The following TMEM182 variants were observed in gnomAD, a reference collection of about 807,000 sequenced individuals.
TMEM182 encodes transmembrane protein 182.
In TMEM182, 20 loss-of-function variants were observed where a neutral mutation model predicts 26.8. That is an observed-to-expected ratio of 0.75 (90% CI 0.53 to 1.09). The LOEUF is 1.09. Ranked by LOEUF, TMEM182 falls within the 50% of genes least tolerant of loss-of-function variation. The probability of loss-of-function intolerance (pLI) is 0.00; values close to 1 mark genes in which losing one functional copy is unlikely to be tolerated. For missense variants in TMEM182, 277 were observed against 275.5 expected (o/e 1.01, Z -0.04); for synonymous variants, 109 against 102.2 (o/e 1.07, Z -0.40).
intron 3 of TMEM182, among the ~76,000 whole-genome samples, chr2:102,828,827 A>T (rs1683094295): frequency 6.6e-6 from 1 of 152,204 alleles, no homozygotes; most frequent in Non-Finnish European, 1.5e-5. Flanking sequence ...TTGATGCCTT[A>T]GAAGCAACTG....
At position 102,816,044 on chromosome 2, in the gene TMEM182, C is replaced by T; in HGVS notation, c.*1076C>T. 3.0e-6 allele frequency: 3 copies of T among 984,644 alleles called. No individual in the cohort carries two copies. Among genetic ancestry groups the T allele is most frequent in the Non-Finnish European group, 3.6e-6 (3 of 829,312 alleles). 61.0% of individuals were successfully genotyped at this position (984,644 alleles called of 1,614,324 possible). A position where few individuals can be genotyped will look rare whatever the true frequency, so the allele number is the denominator to read the frequency against. Reference sequence around the variant, plus strand: ...AATAGATATATTAACATTTACAGATCGACTATTTCCTTTAACCTCCTAGAA... The same window carrying T: ...AATAGATATATTAACATTTACAGATTGACTATTTCCTTTAACCTCCTAGAA... On this transcript the variant is annotated 3_prime_UTR_variant, in exon 5 of 5. Transcript: ENST00000412401.
intron 1 of TMEM182, among the ~76,000 whole-genome samples, chr2:102,748,044 C>T (rs1030689849): frequency 3.9e-5 from 6 of 152,206 alleles, no homozygotes; most frequent in African/African-American, 1.2e-4. Flanking sequence ...CTTAGAGGCC[C>T]ATGCCCCTTC....
At chr2:102,805,103 A>G (rs1341310308) in intron 4 of TMEM182, among the ~76,000 whole-genome samples, 1 of 152,216 alleles carries the variant, frequency 6.6e-6, no homozygotes, top group Non-Finnish European at 1.5e-5. Context: ...GCTTAATATT[A>G]TATAGAAAAG....
chr2:102,782,840 T>C (rs1275273400), intron 3 of TMEM182, among the ~76,000 whole-genome samples: 3 of 152,228 alleles, frequency 2.0e-5, no homozygotes, highest in Non-Finnish European at 2.9e-5. Context: ...TTTCTTTCTA[T>C]TTAGAAACAA....
chr2:102,812,278 A>G (rs1029798536), intron 4 of TMEM182, among the ~76,000 whole-genome samples: 1 of 152,014 alleles, frequency 6.6e-6, no homozygotes, highest in Non-Finnish European at 1.5e-5. Flanking sequence ...TGTCTCATGC[A>G]GGCTGCCATG....
At chr2:102,823,458 A>G (rs1235894449) in intron 3 of TMEM182, among the ~76,000 whole-genome samples, 2 of 151,978 alleles carry the variant, frequency 1.3e-5, no homozygotes, top group Non-Finnish European at 2.9e-5. Flanking sequence ...TCAGCTCCCA[A>G]GTAGCTGGGA....
At chr2:102,750,508 A>G (rs1372124700) in intron 1 of TMEM182, among the ~76,000 whole-genome samples, 2 of 152,086 alleles carry the variant, frequency 1.3e-5, no homozygotes, top group Admixed American at 6.5e-5. Context: ...CCTTTTGTCC[A>G]TCTCCCTGAT....
chr2:102,797,809 A>G, intron 3 of TMEM182, 54 bp from the exon 4 acceptor site: 1 of 1,576,334 alleles, frequency 6.3e-7, no homozygotes. Flanking sequence ...TCTGCTGTGT[A>G]CACAATCTAA....
intron 1 of TMEM182, among the ~76,000 whole-genome samples, chr2:102,741,130 T>C (rs1218719918): frequency 6.6e-6 from 1 of 152,132 alleles, no homozygotes; most frequent in Non-Finnish European, 1.5e-5. Flanking sequence ...CCTAAGAGAA[T>C]TGGGGATCAC....
At chr2:102,761,351 A>G (rs1680205858), upstream of TMEM182, among the ~76,000 whole-genome samples, 1 of 152,232 alleles carries the variant, frequency 6.6e-6, no homozygotes, top group Admixed American at 6.5e-5. Context: ...ATCTTAATTC[A>G]GGAAATAATA....
At chr2:102,763,684 T>C (rs1198363209) in intron 2 of TMEM182, among the ~76,000 whole-genome samples, 2 of 152,144 alleles carry the variant, frequency 1.3e-5, no homozygotes, top group East Asian at 3.9e-4. Context: ...TAGACTTTAG[T>C]AAAGGGAAGT....
intron 3 of TMEM182, among the ~76,000 whole-genome samples, chr2:102,781,293 G>A (rs1170526964): frequency 6.6e-6 from 1 of 151,942 alleles, no homozygotes; most frequent in Admixed American, 6.6e-5. Flanking sequence ...AGCAATTGGA[G>A]GGATGGAGTT....
chr2:102,833,090 G>A (rs2104776903), intron 3 of TMEM182, among the ~76,000 whole-genome samples: 1 of 152,326 alleles, frequency 6.6e-6, no homozygotes, highest in East Asian at 1.9e-4. Context: ...CTTTGCCGTG[G>A]TTTACACAAA....
At chr2:102,782,342 G>T (rs1005572933) in intron 3 of TMEM182, among the ~76,000 whole-genome samples, 1 of 151,410 alleles carries the variant, frequency 6.6e-6, no homozygotes, top group Admixed American at 6.6e-5. Context: ...AAAAATAAAA[G>T]AAAACCCTAC....
intron 3 of TMEM182, among the ~76,000 whole-genome samples, chr2:102,838,186 A>G (rs1421009697): frequency 6.6e-6 from 1 of 152,222 alleles, no homozygotes; most frequent in Non-Finnish European, 1.5e-5. Context: ...TCAAAACAGG[A>G]AACTGTGAAG....
At chr2:102,821,296 A>G (rs1015949806), downstream of TMEM182, among the ~76,000 whole-genome samples, 1 of 152,198 alleles carries the variant, frequency 6.6e-6, no homozygotes, top group Non-Finnish European at 1.5e-5. Flanking sequence ...ATGTTGAATT[A>G]TAATCCCCAA....
chr2:102,785,768 CTA>C lies in TMEM182; in HGVS notation c.332-12092_332-12091del, dbSNP rs1422703872. Among the ~76,000 whole-genome samples, 3 of 152,176 alleles carry C rather than the reference CTA, an allele frequency of 2.0e-5. No individual in the cohort carries two copies. The East Asian group carries it at 5.8e-4, about 29-fold the overall frequency. On this transcript the variant is annotated intron_variant, in intron 3 of 4. Coordinates refer to ENST00000412401, the MANE Select transcript of TMEM182 (RefSeq NM_144632.5). ...TGTGTAATAACAATATCATAAAAGA[CTA>C]TAAGTTTCCCTGGGGAAATGTGATT...
upstream of TMEM182, among the ~76,000 whole-genome samples, chr2:102,760,718 G>A (rs1201599739): frequency 4.6e-5 from 7 of 151,982 alleles, no homozygotes; most frequent in Admixed American, 2.6e-4. Flanking sequence ...GGGTTCAAGC[G>A]TTTCTTCTGT....
intron 3 of TMEM182, among the ~76,000 whole-genome samples, chr2:102,770,933 A>C (rs1018044907): frequency 1.5e-4 from 23 of 152,312 alleles, no homozygotes; most frequent in African/African-American, 4.1e-4. Flanking sequence ...AAAAATGTAA[A>C]TTCTTAAATA....
Sources: allele counts gnomAD v4.1 joint callset (sites outside exome capture counted in the v4.1 genomes callset), GRCh38; gene constraint gnomAD v4.1.1; transcripts MANE v1.5; gene names NCBI Gene and HGNC (gene_info 2026-07-23, HGNC 2026-07-21).